The following CTNNA3 variants were observed in gnomAD, a reference collection of about 807,000 sequenced individuals.
CTNNA3 encodes catenin alpha 3, also known as catenin alpha-3.
CTNNA3 carries 76 observed loss-of-function variants against 95.7 expected under a neutral mutation model. That is an observed-to-expected ratio of 0.79 (90% CI 0.66 to 0.96). CTNNA3 has a LOEUF of 0.96. Ranked by LOEUF, CTNNA3 falls within the 40% of genes least tolerant of loss-of-function variation. CTNNA3 has a pLI of 0.00. For missense variants in CTNNA3, 1,191 were observed against 1,089.8 expected (o/e 1.09, Z -1.31); for synonymous variants, 431 against 374.4 (o/e 1.15, Z -1.74).
At chr10:66,847,986 C>T (rs1223872662) in intron 7 of CTNNA3, among the ~76,000 whole-genome samples, 3 of 151,956 alleles carry the variant, frequency 2.0e-5, no homozygotes, top group East Asian at 3.9e-4. Context: ...GGTAAGGAGG[C>T]AACACAAGCT....
chr10:67,423,803 T>C (rs971588406), intron 5 of CTNNA3, among the ~76,000 whole-genome samples: 1 of 152,136 alleles, frequency 6.6e-6, no homozygotes, highest in East Asian at 1.9e-4. Context: ...ACTTGGCACA[T>C]AGTGTGCTCA....
chr10:65,977,949 T>C (rs1358646412), intron 16 of CTNNA3, among the ~76,000 whole-genome samples: 1 of 152,186 alleles, frequency 6.6e-6, no homozygotes, highest in Non-Finnish European at 1.5e-5. Context: ...GCAAAAGCAC[T>C]TGGTGTTCAT....
At chr10:67,694,264 T>C (rs1840922346) in intron 1 of CTNNA3, among the ~76,000 whole-genome samples, 1 of 152,088 alleles carries the variant, frequency 6.6e-6, no homozygotes, top group African/African-American at 2.4e-5. Context: ...GAGTGGAAAT[T>C]TTGTAGGTAG....
chr10:67,597,392 G>A (rs575400029), intron 3 of CTNNA3, among the ~76,000 whole-genome samples: 11 of 152,328 alleles, frequency 7.2e-5, no homozygotes, highest in Admixed American at 2.6e-4. Flanking sequence ...GTGGGTTGAT[G>A]TTCCCTTAAA....
At chr10:67,303,980 T>C (rs760601546) in intron 5 of CTNNA3, among the ~76,000 whole-genome samples, 5 of 152,244 alleles carry the variant, frequency 3.3e-5, no homozygotes, top group Non-Finnish European at 5.9e-5. Context: ...TTTCTTTATT[T>C]GCATTTAATC....
rs141834629 is a variant in CTNNA3, at chr10:66,574,853, A to T, written c.1374+46839T>A. On this transcript the variant is annotated intron_variant, in intron 10 of 17. Transcript: ENST00000433211. ...AGAGGATTCTTAGTCTACATTCCAG[A>T]TTCAGCTGGAGTCTATATTAACTGC... Among the ~76,000 whole-genome samples the T allele has an allele frequency of 5.9e-5, 9 of 152,212 alleles. No individual in the cohort carries two copies. In the East Asian group the frequency reaches 1.5e-3, roughly 26 times the overall value.
intron 9 of CTNNA3, among the ~76,000 whole-genome samples, chr10:66,654,653 T>C (rs1331510717): frequency 2.6e-5 from 4 of 152,084 alleles, no homozygotes; most frequent in Non-Finnish European, 4.4e-5. Flanking sequence ...TTGCCTGCAT[T>C]CCCATGTTCC....
At chr10:65,986,852 T>TA (rs199892450) in intron 16 of CTNNA3, among the ~76,000 whole-genome samples, 7,556 of 144,014 alleles carry the variant, frequency 0.052, 239 homozygotes, top group Middle Eastern at 0.093. Context: ...GTACTGGCAT[T>TA]AAAAAAAAAA....
chr10:66,000,342 A>C (rs1002404369), intron 15 of CTNNA3, among the ~76,000 whole-genome samples: 3 of 152,166 alleles, frequency 2.0e-5, no homozygotes, highest in Non-Finnish European at 4.4e-5. Context: ...AACGAGAAAG[A>C]AGAAGATGGT....
At chr10:67,750,240 C>T (rs1310794331) in intron 1 of CTNNA3, 9 of 1,474,862 alleles carry the variant, frequency 6.1e-6, no homozygotes, top group South Asian at 2.3e-5. Flanking sequence ...CACAGCAGGA[C>T]GTGAGACTTC....
intron 13 of CTNNA3, among the ~76,000 whole-genome samples, chr10:66,130,619 A>T (rs897238664): frequency 1.3e-5 from 2 of 151,998 alleles, no homozygotes; most frequent in African/African-American, 4.8e-5. Context: ...CTAAGGCAGG[A>T]GGATCGTGAG....
chr10:66,300,427 G>A lies in CTNNA3; in HGVS notation c.1733-19806C>T, dbSNP rs149744073. ...TTCCACTTGAGTATAAACTGGACCTGGTAACTCAATTCTAAACAACAGAGC... is the reference window on the plus strand; with the variant it reads ...TTCCACTTGAGTATAAACTGGACCTAGTAACTCAATTCTAAACAACAGAGC... On this transcript the variant is annotated intron_variant, in intron 12 of 17. Transcript: ENST00000433211. 9.9e-5 allele frequency among the ~76,000 whole-genome samples: 15 copies of A among 151,932 alleles called. No homozygotes were observed. The East Asian group carries it at 2.9e-3, about 29-fold the overall frequency.
intron 1 of CTNNA3, among the ~76,000 whole-genome samples, chr10:67,652,548 A>G (rs1839905888): frequency 6.6e-6 from 1 of 152,212 alleles, no homozygotes; most frequent in Admixed American, 6.5e-5. Context: ...AATAATGTAT[A>G]TAGTGAAACC....
intron 17 of CTNNA3, among the ~76,000 whole-genome samples, chr10:65,950,710 T>A (rs2077595390): frequency 6.6e-6 from 1 of 152,216 alleles, no homozygotes; most frequent in Non-Finnish European, 1.5e-5. Flanking sequence ...CAGAAATAAT[T>A]GTTTATGCTA....
At chr10:66,980,124 T>A (rs1333842376) in intron 7 of CTNNA3, among the ~76,000 whole-genome samples, 1 of 152,192 alleles carries the variant, frequency 6.6e-6, no homozygotes, top group East Asian at 1.9e-4. Context: ...CAAATTTGTT[T>A]CTATTTCATT....
chr10:67,312,142 G>A (rs887001200), intron 5 of CTNNA3, among the ~76,000 whole-genome samples: 6 of 149,500 alleles, frequency 4.0e-5, no homozygotes, highest in Non-Finnish European at 7.4e-5. Context: ...GCACAATCTC[G>A]GCTCACTGCA....
chr10:67,498,248 G>A (rs1451328799), intron 5 of CTNNA3, among the ~76,000 whole-genome samples: 1 of 152,122 alleles, frequency 6.6e-6, no homozygotes, highest in Non-Finnish European at 1.5e-5. Context: ...GGTTGTAGAT[G>A]TGTGGTGTTA....
chr10:65,983,263 C>T (rs2078361159), intron 16 of CTNNA3, among the ~76,000 whole-genome samples: 3 of 151,528 alleles, frequency 2.0e-5, no homozygotes, highest in Admixed American at 1.3e-4. Flanking sequence ...TAAAGATCAC[C>T]GAGGGATCAG....
intron 9 of CTNNA3, among the ~76,000 whole-genome samples, chr10:66,711,017 G>GT (rs939723858): frequency 4.6e-5 from 7 of 152,008 alleles, no homozygotes; most frequent in South Asian, 4.1e-4. Flanking sequence ...AGTTTATGCA[G>GT]TTTTTTCTTC....
Sources: allele counts gnomAD v4.1 joint callset (sites outside exome capture counted in the v4.1 genomes callset), GRCh38; gene constraint gnomAD v4.1.1; transcripts MANE v1.5; gene names NCBI Gene and HGNC (gene_info 2026-07-23, HGNC 2026-07-21).